The following ETFA variants were observed in gnomAD, a reference collection of about 807,000 sequenced individuals.
ETFA encodes electron transfer flavoprotein subunit alpha, mitochondrial.
A neutral mutation model predicts 46.2 loss-of-function variants in ETFA; 22 were observed. The ratio of observed to expected loss-of-function variants is 0.48; its 90% CI spans 0.34 to 0.68. ETFA has a LOEUF of 0.68. ETFA is among the 30% of genes least tolerant of loss of function. The probability of loss-of-function intolerance (pLI) is 0.01; values close to 1 mark genes in which losing one functional copy is unlikely to be tolerated. For synonymous variants in ETFA, 131 were observed against 139.9 expected, an observed-to-expected ratio of 0.94 and a Z score of 0.45; for missense variants, 345 against 401.1, an observed-to-expected ratio of 0.86 and a Z score of 1.19.
At chr15:76,247,007 C>A (rs940713526) in intron 9 of ETFA, among the ~76,000 whole-genome samples, 10 of 152,136 alleles carry the variant, frequency 6.6e-5, no homozygotes, top group African/African-American at 2.4e-4. Context: ...ACTTTTATAA[C>A]AAAAATTATG....
intron 1 of ETFA, chr15:76,310,176 G>A (rs895406236): frequency 3.8e-5 from 6 of 156,228 alleles, no homozygotes; most frequent in Non-Finnish European, 5.6e-5. Flanking sequence ...AACCTGGGAG[G>A]CGACGGTTGC....
chr15:76,242,155 A>G lies in ETFA; in HGVS notation c.817-10757T>C, dbSNP rs1206475261. Reference sequence around the variant, plus strand: ...TGGCCAACTATCAAAATTTTTTATCAGCAAAGTTCTTTAATTGATCCAAGT... The same window carrying G: ...TGGCCAACTATCAAAATTTTTTATCGGCAAAGTTCTTTAATTGATCCAAGT... On this transcript the variant is annotated intron_variant, in intron 9 of 11. Coordinates refer to ENST00000557943, the MANE Select transcript of ETFA (RefSeq NM_000126.4). Among the ~76,000 whole-genome samples, 5 of 152,166 alleles carry G rather than the reference A, an allele frequency of 3.3e-5. No homozygotes were observed. The East Asian group carries it at 9.6e-4, about 29-fold the overall frequency.
intron 2 of ETFA, 21 bp from the exon 3 acceptor site, chr15:76,292,721 C>T (rs2039779637): frequency 6.1e-6 from 9 of 1,485,074 alleles, no homozygotes; most frequent in Non-Finnish European, 8.5e-6. Flanking sequence ...AAGATAAGTT[C>T]CTAATTATCC....
At chr15:76,219,695 C>T (rs1380694573) in intron 11 of ETFA, among the ~76,000 whole-genome samples, 4 of 152,192 alleles carry the variant, frequency 2.6e-5, no homozygotes, top group East Asian at 1.9e-4. Context: ...AAGAGATATA[C>T]GAGTGGCCAA....
chr15:76,287,621 G>A (rs771905323), intron 5 of ETFA: 2 of 463,398 alleles, frequency 4.3e-6, no homozygotes, highest in South Asian at 2.3e-5. Flanking sequence ...ATATCACCCT[G>A]CAAACTGAAT....
Position 76,274,447 on chromosome 15 carries a change from T to A in ETFA, c.781A>T (p.Met261Leu), listed in dbSNP as rs376273959. The change falls in exon 9 of 12, where the codon ATG (methionine) becomes TTG (leucine). Residue 261 changes from methionine (M) to leucine (L), a missense_variant. By Grantham distance (15) the Met-to-Leu change is conservative. Transcript: ENST00000557943. ...AVDAGFVPND[M>L]QVGQTGKIVA... ...ATTTTTCCCGTCTGTCCAACTTGCA[T>A]GTCATTGGGAACAAAGCCAGCATCA... 6.2e-7 allele frequency: 1 copy of A among 1,612,724 alleles called. No individual in the cohort carries two copies. The highest frequency in any genetic ancestry group is 2.2e-5 in the East Asian group (1 of 44,870).
At chr15:76,295,557 A>G (rs1251672897) in intron 2 of ETFA, 34 bp downstream of exon 2, 3 of 1,584,350 alleles carry the variant, frequency 1.9e-6, no homozygotes, top group African/African-American at 2.7e-5. Flanking sequence ...GATGGAGATA[A>G]TATTTGCTAT....
intron 10 of ETFA, among the ~76,000 whole-genome samples, chr15:76,226,540 C>T (rs916945605): frequency 6.6e-5 from 10 of 151,916 alleles, no homozygotes; most frequent in East Asian, 1.9e-4. Context: ...GCAGAGATCA[C>T]GCCACTGCAC....
chr15:76,283,456 T>A (rs147406334), intron 8 of ETFA, among the ~76,000 whole-genome samples: 354 of 152,276 alleles, frequency 2.3e-3, no homozygotes, highest in South Asian at 3.9e-3. Flanking sequence ...CAACCTAAAG[T>A]GCTAGGATTA....
intron 4 of ETFA, among the ~76,000 whole-genome samples, chr15:76,288,153 TAAGA>T (rs1241175622): frequency 6.6e-6 from 1 of 152,200 alleles, no homozygotes; most frequent in Non-Finnish European, 1.5e-5. Context: ...CTAACTACAT[TAAGA>T]GTTTCATGAG....
intron 1 of ETFA, among the ~76,000 whole-genome samples, chr15:76,308,711 A>C (rs2039960311): frequency 6.6e-6 from 1 of 152,216 alleles, no homozygotes; most frequent in African/African-American, 2.4e-5. Context: ...ATTGCTATAA[A>C]CTGTACTAAT....
At chr15:76,229,407 A>G (rs965654670) in intron 10 of ETFA, among the ~76,000 whole-genome samples, 3 of 152,150 alleles carry the variant, frequency 2.0e-5, no homozygotes, top group Admixed American at 6.5e-5. Flanking sequence ...CCTTACTTCA[A>G]CTGTTCCCTA....
At chr15:76,273,823 T>C (rs1393994362) in intron 9 of ETFA, among the ~76,000 whole-genome samples, 1 of 152,222 alleles carries the variant, frequency 6.6e-6, no homozygotes, top group East Asian at 1.9e-4. Context: ...AAACAGTCAT[T>C]ATCAACTGTG....
intron 11 of ETFA, among the ~76,000 whole-genome samples, chr15:76,220,939 C>CA (rs1205074688): frequency 2.6e-5 from 4 of 152,174 alleles, no homozygotes; most frequent in Admixed American, 2.0e-4. Context: ...ATGTTAAACT[C>CA]AGAGTTACCA....
rs2039569506 is a variant in ETFA, at chr15:76,274,120, G to T, written c.816+292C>A. 1.1e-5 allele frequency: 4 copies of T among 376,320 alleles called. No homozygotes were observed. The East Asian group carries it at 2.2e-4, about 20-fold the overall frequency. 23.3% of individuals were successfully genotyped at this position (376,320 alleles called of 1,614,324 possible). ...TATCAATGTGAACTTATAAATCTGAGTTGATAAAATGCTGCTTTTATCAAT... is the reference window on the plus strand; with the variant it reads ...TATCAATGTGAACTTATAAATCTGATTTGATAAAATGCTGCTTTTATCAAT... On this transcript the variant is annotated intron_variant, in intron 9 of 11. Coordinates refer to ENST00000557943, the MANE Select transcript of ETFA (RefSeq NM_000126.4).
chr15:76,310,648 T>C (rs1364224522), intron 1 of ETFA, among the ~76,000 whole-genome samples: 1 of 152,222 alleles, frequency 6.6e-6, no homozygotes, highest in Non-Finnish European at 1.5e-5. Context: ...TGTACCACTG[T>C]CACCAGTTAA....
intron 9 of ETFA, among the ~76,000 whole-genome samples, chr15:76,232,768 A>G (rs547740711): frequency 6.6e-6 from 1 of 152,320 alleles, no homozygotes; most frequent in Non-Finnish European, 1.5e-5. Flanking sequence ...CAGAAGAGGT[A>G]CACCTCCAGC....
At chr15:76,304,623 C>T (rs1384980318) in intron 1 of ETFA, among the ~76,000 whole-genome samples, 1 of 148,496 alleles carries the variant, frequency 6.7e-6, no homozygotes, top group Non-Finnish European at 1.5e-5. Context: ...AAGATCACAC[C>T]ACTGCACTCC....
At chr15:76,224,176 TAC>T (rs1478990300) in intron 11 of ETFA, among the ~76,000 whole-genome samples, 1 of 152,152 alleles carries the variant, frequency 6.6e-6, no homozygotes, top group Non-Finnish European at 1.5e-5. Flanking sequence ...AAGTTATCAT[TAC>T]ACAGAGAAAA....
Sources: gnomAD v4.1 joint callset for allele counts (sites outside exome capture counted in the v4.1 genomes callset) on GRCh38, gnomAD v4.1.1 for gene constraint, MANE v1.5 for transcripts, NCBI Gene and HGNC (gene_info 2026-07-23, HGNC 2026-07-21) for gene names.